The following FGD4 variants were observed in gnomAD, a reference collection of about 807,000 sequenced individuals.
FGD4 encodes FYVE, RhoGEF and PH domain containing 4.
A neutral mutation model predicts 102.0 loss-of-function variants in FGD4; 42 were observed. That is an observed-to-expected ratio of 0.41 (90% CI 0.32 to 0.53). The LOEUF (loss-of-function observed/expected upper bound fraction) is 0.53, where lower values mean the gene tolerates loss of function less well. Among genes scored for constraint, FGD4 ranks in the 20% least tolerant of loss-of-function variants. The pLI is 0.21. For synonymous variants in FGD4, 380 were observed against 375.7 expected, an observed-to-expected ratio of 1.01 and a Z score of -0.13; for missense variants, 902 against 1,078.2, an observed-to-expected ratio of 0.84 and a Z score of 2.29.
chr12:32,491,858 G>A (rs1372602589), intron 1 of FGD4, among the ~76,000 whole-genome samples: 1 of 152,158 alleles, frequency 6.6e-6, no homozygotes, highest in Non-Finnish European at 1.5e-5. Context: ...ACTGGATTAC[G>A]TCTCTGCATG....
chr12:32,465,272 A>G (rs1036615400), intron 1 of FGD4, among the ~76,000 whole-genome samples: 21 of 151,874 alleles, frequency 1.4e-4, no homozygotes, highest in African/African-American at 4.6e-4. Context: ...TGTTTTATAT[A>G]TATATATAAT....
At chr12:32,500,633 C>T (rs977814539) in intron 1 of FGD4, among the ~76,000 whole-genome samples, 3 of 151,884 alleles carry the variant, frequency 2.0e-5, no homozygotes, top group Non-Finnish European at 2.9e-5. Context: ...GGGATTTCAC[C>T]GTGTTAGCCA....
intron 1 of FGD4, among the ~76,000 whole-genome samples, chr12:32,548,959 A>C (rs1226227062): frequency 6.6e-6 from 1 of 152,200 alleles, no homozygotes; most frequent in African/African-American, 2.4e-5. Context: ...AAGGTCTGGG[A>C]AACAGCCAAA....
intron 2 of FGD4, among the ~76,000 whole-genome samples, chr12:32,568,051 T>C (rs1196827958): frequency 6.6e-6 from 1 of 150,870 alleles, no homozygotes; most frequent in African/African-American, 2.5e-5. Flanking sequence ...TATGTAGTAA[T>C]GTCTCTGGAA....
intron 4 of FGD4, among the ~76,000 whole-genome samples, chr12:32,589,250 T>C (rs890631052): frequency 6.6e-6 from 1 of 152,248 alleles, no homozygotes; most frequent in East Asian, 1.9e-4. Flanking sequence ...TAATATGTCA[T>C]TTAATAGATC....
At position 32,624,477 on chromosome 12, in the gene FGD4, T is replaced by C. The variant is rs746511112; in HGVS notation, c.1953+25T>C. On this transcript the variant is annotated intron_variant, in intron 12 of 16. Coordinates refer to ENST00000534526, the MANE Select transcript of FGD4 (RefSeq NM_001370298.3). ...GGTAAGCCTCATTTCTGTTTCCTTT[T>C]CTTTCTTTTTTTTTTTGAGGCAGAG... The C allele has an allele frequency of 1.1e-5, 17 of 1,568,884 alleles. No individual in the cohort carries two copies. The Admixed American group carries it at 2.8e-4, about 26-fold the overall frequency.
intron 1 of FGD4, among the ~76,000 whole-genome samples, chr12:32,530,071 G>A (rs980314056): frequency 6.6e-6 from 1 of 152,062 alleles, no homozygotes; most frequent in Non-Finnish European, 1.5e-5. Context: ...TCCAGGAAGT[G>A]CAGGTTGCCT....
At chr12:32,522,916 A>G (rs1401471506) in intron 1 of FGD4, among the ~76,000 whole-genome samples, 1 of 152,248 alleles carries the variant, frequency 6.6e-6, no homozygotes, top group Non-Finnish European at 1.5e-5. Flanking sequence ...CTTGCTACAA[A>G]GCCTGAAATA....
intron 1 of FGD4, among the ~76,000 whole-genome samples, chr12:32,455,133 C>T (rs1942915218): frequency 6.6e-6 from 1 of 152,142 alleles, no homozygotes; most frequent in South Asian, 2.1e-4. Context: ...TCTTGTACTT[C>T]CTTGAATTAA....
At chr12:32,405,261 G>GT (rs11396808) in intron 1 of FGD4, among the ~76,000 whole-genome samples, 1,574 of 108,726 alleles carry the variant, frequency 0.014, 38 homozygotes, top group African/African-American at 0.045. Flanking sequence ...GCAGTCAGTG[G>GT]TTTTTTTTTT....
chr12:32,461,739 G>GT (rs1343549886), intron 1 of FGD4, among the ~76,000 whole-genome samples: 3 of 152,034 alleles, frequency 2.0e-5, no homozygotes, highest in Admixed American at 2.0e-4. Context: ...GTTTGTTTTT[G>GT]TTTTTTAGAT....
At chr12:32,587,187 C>CA (rs1181469038) in intron 4 of FGD4, among the ~76,000 whole-genome samples, 2,552 of 64,982 alleles carry the variant, frequency 0.039, 77 homozygotes, top group African/African-American at 0.069. Context: ...GAGACTCTCT[C>CA]AAAAAAAAAA....
Position 32,426,346 on chromosome 12 carries a change from G to A in FGD4, c.166+26387G>A, listed in dbSNP as rs138317340. On this transcript the variant is annotated intron_variant, in intron 1 of 16. Transcript: ENST00000534526. ...TCATGTGGTTTTTGTCGTTGGTTCT[G>A]TTTATGTGATGGATTACGTTTATTG... Among the ~76,000 whole-genome samples the A allele has an allele frequency of 9.1e-3, 1,380 of 152,256 alleles. 23 individuals carry two copies. Among genetic ancestry groups the A allele is most frequent in the African/African-American group, 0.032 (1,326 of 41,532 alleles).
chr12:32,520,183 C>A (rs1858456709), intron 1 of FGD4, among the ~76,000 whole-genome samples: 1 of 152,050 alleles, frequency 6.6e-6, no homozygotes, highest in Non-Finnish European at 1.5e-5. Context: ...TCATGGCAGT[C>A]ATTGAAACTA....
chr12:32,403,870 C>G (rs1038024884), intron 1 of FGD4, among the ~76,000 whole-genome samples: 7 of 152,050 alleles, frequency 4.6e-5, no homozygotes, highest in Non-Finnish European at 7.3e-5. Context: ...GCTGGGATTA[C>G]AGGTGTGAGC....
At chr12:32,639,069 G>T (rs1173931189) in intron 16 of FGD4, 1 of 729,964 alleles carries the variant, frequency 1.4e-6, no homozygotes, top group Admixed American at 3.9e-5. Context: ...TGAGCATGAG[G>T]AGAAGGGGAA....
At chr12:32,602,113 T>C (rs1371222937) in intron 6 of FGD4, 48 bp from the exon 7 acceptor site, 4 of 1,587,292 alleles carry the variant, frequency 2.5e-6, no homozygotes, top group Non-Finnish European at 3.5e-6. Context: ...AGACCCTGTC[T>C]CAAAAAAAAA....
chr12:32,563,016 G>T (rs569350788), intron 1 of FGD4, among the ~76,000 whole-genome samples: 5 of 140,184 alleles, frequency 3.6e-5, no homozygotes, highest in Non-Finnish European at 4.7e-5. Context: ...CTCACCTCCC[G>T]GACGGGGCGG....
chr12:32,534,441 T>C (rs1942068873), intron 1 of FGD4: 1 of 1,526,826 alleles, frequency 6.5e-7, no homozygotes, highest in Non-Finnish European at 8.8e-7. Context: ...AAATATCTTT[T>C]TATTAAACCA....
Sources: gnomAD v4.1 joint callset for allele counts (sites outside exome capture counted in the v4.1 genomes callset) on GRCh38, gnomAD v4.1.1 for gene constraint, MANE v1.5 for transcripts, NCBI Gene and HGNC (gene_info 2026-07-23, HGNC 2026-07-21) for gene names.